The following GABRP variants were observed in gnomAD, a reference collection of about 807,000 sequenced individuals.
GABRP encodes gamma-aminobutyric acid type A receptor subunit pi.
In GABRP, 52 loss-of-function variants were observed where a neutral mutation model predicts 47.8. That is an observed-to-expected ratio of 1.09 (90% CI 0.87 to 1.37). The LOEUF (loss-of-function observed/expected upper bound fraction) is 1.37, where lower values mean the gene tolerates loss of function less well. GABRP is among the 40% of genes most tolerant of loss of function. The probability of loss-of-function intolerance (pLI) is 0.00; values close to 1 mark genes in which losing one functional copy is unlikely to be tolerated. For synonymous variants in GABRP, 221 were observed against 205.8 expected (o/e 1.07, Z -0.63); for missense variants, 525 against 542.8 (o/e 0.97, Z 0.33).
rs1252847431 is a variant in GABRP at position 170,812,197 on chromosome 5, T to G, written c.1262T>G (p.Leu421Arg). The G allele has an allele frequency of 1.9e-6, 3 of 1,614,014 alleles. No homozygotes were observed. The highest frequency in any genetic ancestry group is 1.7e-5 in the Admixed American group (1 of 60,008). ...AATGTTGATCACTATTCCAAACTAC[T>G]GTTTCCTTTGATTTTTATGCTAGCC... is the stretch of plus-strand genomic sequence containing the variant. The part of the protein sequence containing the change: ...PSNVDHYSKL[L>R]FPLIFMLANV... Residue 421 changes from leucine (L) to arginine (R), a missense_variant, in exon 10 of 10, where the codon CTG (leucine) becomes CGG (arginine). By Grantham distance (102) the Leu-to-Arg change is moderately radical. Coordinates refer to ENST00000265294, the MANE Select transcript of GABRP (RefSeq NM_014211.3).
chr5:170,787,770 A>T (rs2127249278), intron 1 of GABRP, among the ~76,000 whole-genome samples: 1 of 152,334 alleles, frequency 6.6e-6, no homozygotes, highest in South Asian at 2.1e-4. Context: ...TCTGTGGGAC[A>T]GCACCTAACT....
chr5:170,798,721 T>C (rs1483417877), intron 6 of GABRP, among the ~76,000 whole-genome samples: 1 of 152,166 alleles, frequency 6.6e-6, no homozygotes, highest in East Asian at 1.9e-4. Flanking sequence ...TCAGCAAATA[T>C]GTCCAGGGCT....
At chr5:170,790,609 C>G (rs1224460156) in intron 3 of GABRP, among the ~76,000 whole-genome samples, 1 of 152,046 alleles carries the variant, frequency 6.6e-6, no homozygotes, top group Non-Finnish European at 1.5e-5. Context: ...GTCAGACCTG[C>G]AGGTCTGGCC....
Position 170,795,170 on chromosome 5 carries a change from AC to A in GABRP, c.241-33del, listed in dbSNP as rs758887380. The stretch of plus-strand genomic sequence containing the variant: ...ATTTGGTGGGGTTTTCTCACCCACT[AC>A]CCCCATCCATTTCCATACCCTGCCT... On this transcript the variant is annotated intron_variant, in intron 4 of 9. Transcript: ENST00000265294. 3.4e-6 allele frequency: 5 copies of A among 1,458,756 alleles called. No individual in the cohort carries two copies. In the Admixed American group the frequency reaches 5.0e-5, roughly 15 times the overall value. The allele number at this position is 1,458,756 out of a possible 1,614,324, so 90.4% of individuals were successfully genotyped here.
chr5:170,801,657 C>T (rs1482420198), intron 6 of GABRP, among the ~76,000 whole-genome samples: 5 of 152,136 alleles, frequency 3.3e-5, no homozygotes, highest in Non-Finnish European at 1.5e-5. Context: ...TGGTTGGGTT[C>T]CATCTGTCTA....
intron 6 of GABRP, among the ~76,000 whole-genome samples, chr5:170,799,313 G>A (rs1765524391): frequency 6.6e-6 from 1 of 152,200 alleles, no homozygotes; most frequent in Non-Finnish European, 1.5e-5. Context: ...GGATGGCTGG[G>A]TCAAATGGTA....
intron 6 of GABRP, among the ~76,000 whole-genome samples, chr5:170,799,403 TA>T (rs1256961821): frequency 6.6e-6 from 1 of 152,218 alleles, no homozygotes; most frequent in Non-Finnish European, 1.5e-5. Flanking sequence ...ACCAACAGTG[TA>T]AAAGTGTTCC....
chr5:170,794,711 GACA>G (rs1765374875), intron 4 of GABRP, among the ~76,000 whole-genome samples: 1 of 152,104 alleles, frequency 6.6e-6, no homozygotes, highest in African/African-American at 2.4e-5. Flanking sequence ...AGCTGATGCT[GACA>G]ACGACTGTCT....
At chr5:170,801,926 A>C (rs1187023188) in intron 6 of GABRP, among the ~76,000 whole-genome samples, 1 of 152,148 alleles carries the variant, frequency 6.6e-6, no homozygotes, top group East Asian at 1.9e-4. Context: ...GCTGGAATGG[A>C]CCAAGAGACA....
rs751170370 is a variant in GABRP at position 170,809,606 on chromosome 5, G to A, written c.871G>A (p.Gly291Arg). The change falls in exon 9 of 10, where the codon GGG (glycine) becomes AGG (arginine). Residue 291 changes from glycine to arginine, a missense_variant. Transcript: ENST00000265294. ...TVLSMTTLMI[G>R]SRTSLPNTNC... ...GTTATCAATGACCACACTGATGATC[G>A]GGTCCCGCACTTCTCTTCCCAACAC... The A allele has an allele frequency of 7.4e-6, 12 of 1,614,084 alleles. No homozygotes were observed. The highest frequency in any genetic ancestry group is 2.2e-5 in the East Asian group (1 of 44,884).
chr5:170,791,048 G>A (rs972699697), intron 3 of GABRP, among the ~76,000 whole-genome samples: 16 of 152,162 alleles, frequency 1.1e-4, no homozygotes, highest in Admixed American at 6.5e-4. Flanking sequence ...GAGTCTGCAC[G>A]CCTTGGTTAG....
chr5:170,788,977 A>C (rs546738079), intron 2 of GABRP, 152 bp from the exon 3 acceptor site: 1 of 696,150 alleles, frequency 1.4e-6, no homozygotes, highest in East Asian at 2.5e-5. Context: ...ATAGCTGAAA[A>C]CTAAGAGATT....
chr5:170,809,181 C>A (rs1196560672), intron 8 of GABRP, among the ~76,000 whole-genome samples: 1 of 152,182 alleles, frequency 6.6e-6, no homozygotes, highest in African/African-American at 2.4e-5. Context: ...AAGTGATCTG[C>A]CCACCTTGGC....
chr5:170,805,418 T>G (rs910624690), intron 6 of GABRP, among the ~76,000 whole-genome samples: 6 of 152,152 alleles, frequency 3.9e-5, no homozygotes, highest in African/African-American at 1.4e-4. Context: ...GCTTAATAAA[T>G]GTAATTTAAA....
rs530099868 is a variant in GABRP at position 170,811,267 on chromosome 5, C to T, written c.1021-689C>T. 4.0e-5 allele frequency among the ~76,000 whole-genome samples: 6 copies of T among 151,230 alleles called. No homozygotes were observed. The East Asian group carries it at 1.2e-3, about 30-fold the overall frequency. The stretch of plus-strand genomic sequence containing the variant: ...ATATGGTAACTCCCATAAGACCCCA[C>T]ACCTAGCAAGCGGCCTGGTCAAGGA... On this transcript the variant is annotated intron_variant, in intron 9 of 9. Coordinates refer to ENST00000265294, the MANE Select transcript of GABRP (RefSeq NM_014211.3).
chr5:170,808,942 G>T (rs1213434857), intron 8 of GABRP, among the ~76,000 whole-genome samples, 190 bp downstream of exon 8: 1 of 147,350 alleles, frequency 6.8e-6, no homozygotes, highest in African/African-American at 2.5e-5. Flanking sequence ...TTTTGTTGTT[G>T]TTTTTTTTTT....
intron 7 of GABRP, among the ~76,000 whole-genome samples, chr5:170,807,196 C>T (rs986882890): frequency 2.4e-4 from 36 of 152,170 alleles, no homozygotes; most frequent in Admixed American, 2.3e-3. Flanking sequence ...AAACCACCTG[C>T]CTTGGCCTCC....
chr5:170,783,438 G>T (rs1765053265), upstream of GABRP, among the ~76,000 whole-genome samples: 1 of 152,108 alleles, frequency 6.6e-6, no homozygotes, highest in East Asian at 1.9e-4. Context: ...TCAGAGCCCG[G>T]CATAGTGGGT....
chr5:170,795,057 T>G (rs1442868341), intron 4 of GABRP, 151 bp from the exon 5 acceptor site: 2 of 665,390 alleles, frequency 3.0e-6, no homozygotes, highest in Non-Finnish European at 5.4e-6. Flanking sequence ...CATATTGCAA[T>G]TAGAATGGTA....
Sources: allele counts gnomAD v4.1 joint callset (sites outside exome capture counted in the v4.1 genomes callset), GRCh38; gene constraint gnomAD v4.1.1; transcripts MANE v1.5; gene names NCBI Gene and HGNC (gene_info 2026-07-23, HGNC 2026-07-21).